The following KLHL32 variants were observed in gnomAD, a reference collection of about 807,000 sequenced individuals.
KLHL32 encodes kelch-like protein 32.
Under a neutral mutation model 64.8 loss-of-function variants are expected in KLHL32, and 35 were observed. The ratio of observed to expected loss-of-function variants is 0.54; its 90% CI spans 0.41 to 0.72. The LOEUF is 0.72. Among genes scored for constraint, KLHL32 ranks in the 30% least tolerant of loss-of-function variants. KLHL32 has a pLI of 0.00. For synonymous variants in KLHL32, 259 were observed against 281.0 expected, an observed-to-expected ratio of 0.92 and a Z score of 0.78; for missense variants, 589 against 768.5, an observed-to-expected ratio of 0.77 and a Z score of 2.76.
At chr6:97,098,120 A>T (rs144394948) in intron 6 of KLHL32, among the ~76,000 whole-genome samples, 1 of 152,180 alleles carries the variant, frequency 6.6e-6, no homozygotes, top group South Asian at 2.1e-4. Flanking sequence ...TCTTGCAGCT[A>T]TTTGAAGTAT....
At chr6:97,058,424 G>C (rs964867707) in intron 4 of KLHL32, among the ~76,000 whole-genome samples, 4 of 152,172 alleles carry the variant, frequency 2.6e-5, no homozygotes, top group African/African-American at 9.7e-5. Context: ...TCTCATCAGA[G>C]TTTTGTAGTT....
At chr6:97,111,037 G>A (rs370039412) in intron 6 of KLHL32, among the ~76,000 whole-genome samples, 1 of 151,884 alleles carries the variant, frequency 6.6e-6, no homozygotes, top group Non-Finnish European at 1.5e-5. Flanking sequence ...TCTTGGGGGG[G>A]GGGGGTCTTA....
chr6:96,908,521 C>G, the KLHL32 span, among the ~76,000 whole-genome samples: 1 of 152,180 alleles, frequency 6.6e-6, no homozygotes, highest in Non-Finnish European at 1.5e-5. Context: ...ATGCATCATC[C>G]TACACTTCTG....
At chr6:96,931,241 A>C (rs1271870775) in intron 1 of KLHL32, among the ~76,000 whole-genome samples, 2 of 152,200 alleles carry the variant, frequency 1.3e-5, no homozygotes, top group Admixed American at 1.3e-4. Context: ...GACCTCACTC[A>C]TTCCCTGTTC....
At chr6:97,050,420 G>A (rs980244206) in intron 4 of KLHL32, among the ~76,000 whole-genome samples, 4 of 152,142 alleles carry the variant, frequency 2.6e-5, no homozygotes, top group South Asian at 2.1e-4. Context: ...GCTTGAGAGA[G>A]CATGGAGGTA....
At chr6:97,088,487 A>G (rs1246060321) in intron 6 of KLHL32, among the ~76,000 whole-genome samples, 1 of 152,194 alleles carries the variant, frequency 6.6e-6, no homozygotes, top group East Asian at 1.9e-4. Context: ...TAGATTTTGC[A>G]TATATTTTCA....
chr6:96,987,527 C>G lies in KLHL32; in HGVS notation c.204+11350C>G, dbSNP rs1777262916. On this transcript the variant is annotated intron_variant, in intron 3 of 10. Coordinates refer to ENST00000369261, the MANE Select transcript of KLHL32 (RefSeq NM_052904.4). Reference sequence around the variant, plus strand: ...AATATCATGAAAATGGCCATACTGCCTGAAGTAATTTATAGATTCAATGCC... The same window carrying G: ...AATATCATGAAAATGGCCATACTGCGTGAAGTAATTTATAGATTCAATGCC... Among the ~76,000 whole-genome samples, 4 of 152,160 alleles carry G rather than the reference C, an allele frequency of 2.6e-5. No individual in the cohort carries two copies. In the South Asian group the frequency reaches 8.3e-4, roughly 32 times the overall value.
At chr6:97,006,259 A>G (rs887489652) in intron 3 of KLHL32, among the ~76,000 whole-genome samples, 7 of 152,098 alleles carry the variant, frequency 4.6e-5, no homozygotes, top group Admixed American at 3.9e-4. Context: ...CCATTAGGTA[A>G]TGCTCTTCTT....
chr6:97,048,864 A>G (rs1786363366), intron 4 of KLHL32, among the ~76,000 whole-genome samples: 1 of 152,216 alleles, frequency 6.6e-6, no homozygotes, highest in Non-Finnish European at 1.5e-5. Context: ...CATGGAGCAA[A>G]CATGGGAGAA....
At position 96,998,650 on chromosome 6, in the gene KLHL32, G is replaced by A. The variant is rs190214754; in HGVS notation, c.204+22473G>A. On this transcript the variant is annotated intron_variant, in intron 3 of 10. Transcript: ENST00000369261. ...TCCTTAGTCAATTTTACACTATCCT[G>A]CCCTGTGATTAATTACTTTGCTTGA... Among the ~76,000 whole-genome samples, 143 of 152,206 alleles carry A rather than the reference G, an allele frequency of 9.4e-4. 2 individuals are homozygous for A. Among genetic ancestry groups the A allele is most frequent in the African/African-American group, 3.3e-3 (136 of 41,520 alleles).
chr6:97,060,263 C>T (rs1191469168), intron 4 of KLHL32, among the ~76,000 whole-genome samples: 1 of 152,166 alleles, frequency 6.6e-6, no homozygotes, highest in Admixed American at 6.5e-5. Context: ...CTGAGACTTA[C>T]CATGGCTGTT....
intron 9 of KLHL32, among the ~76,000 whole-genome samples, chr6:97,132,061 T>C (rs1799498489): frequency 6.6e-6 from 1 of 152,172 alleles, no homozygotes; most frequent in East Asian, 1.9e-4. Context: ...TTTCATCATT[T>C]TGGCGTGTCA....
the KLHL32 span, among the ~76,000 whole-genome samples, chr6:96,911,824 CTTTTTTTTTT>C: frequency 9.2e-5 from 5 of 54,084 alleles, no homozygotes; most frequent in East Asian, 7.3e-4. Flanking sequence ...CTCGGTCCTT[CTTTTTTTTTT>C]TTTTTTTTTT....
At chr6:97,014,211 C>G (rs1193601064) in intron 3 of KLHL32, among the ~76,000 whole-genome samples, 1 of 151,378 alleles carries the variant, frequency 6.6e-6, no homozygotes, top group Non-Finnish European at 1.5e-5. Context: ...AGGAGAATGG[C>G]GTGAACCCGG....
At chr6:97,093,324 T>A (rs976993125) in intron 6 of KLHL32, among the ~76,000 whole-genome samples, 9 of 152,218 alleles carry the variant, frequency 5.9e-5, no homozygotes, top group Non-Finnish European at 8.8e-5. Flanking sequence ...ACACATATAA[T>A]TTCTCTTGAG....
intron 5 of KLHL32, among the ~76,000 whole-genome samples, chr6:97,067,037 G>T (rs1789882174): frequency 6.6e-6 from 1 of 152,134 alleles, no homozygotes; most frequent in Non-Finnish European, 1.5e-5. Flanking sequence ...GTATTGTTTT[G>T]TTGTTCTTAA....
intron 1 of KLHL32, among the ~76,000 whole-genome samples, chr6:96,951,264 T>C (rs1418848693): frequency 6.6e-6 from 1 of 152,124 alleles, no homozygotes; most frequent in Non-Finnish European, 1.5e-5. Flanking sequence ...CTGAGCTGTT[T>C]GCATGAGAGG....
At chr6:96,965,435 A>G (rs960193096) in intron 1 of KLHL32, among the ~76,000 whole-genome samples, 3 of 152,252 alleles carry the variant, frequency 2.0e-5, no homozygotes, top group Non-Finnish European at 2.9e-5. Flanking sequence ...CATGTTTGAA[A>G]TGAAGCATAT....
At chr6:97,107,786 A>G (rs753116224) in intron 6 of KLHL32, among the ~76,000 whole-genome samples, 3 of 152,212 alleles carry the variant, frequency 2.0e-5, no homozygotes, top group Non-Finnish European at 2.9e-5. Flanking sequence ...AGATAAATAA[A>G]TATGTGTGTA....
Sources: allele counts gnomAD v4.1 joint callset (sites outside exome capture counted in the v4.1 genomes callset), GRCh38; gene constraint gnomAD v4.1.1; transcripts MANE v1.5; gene names NCBI Gene and HGNC (gene_info 2026-07-23, HGNC 2026-07-21).